Variants in FRYL observed in about 807,000 individuals in gnomAD.
The protein encoded by FRYL is FRY like transcription coactivator, also known as protein furry homolog-like.
A neutral mutation model predicts 351.2 loss-of-function variants in FRYL; 150 were observed. That is an observed-to-expected ratio of 0.43 (90% CI 0.37 to 0.49). FRYL has a LOEUF of 0.49. FRYL is among the 20% of genes least tolerant of loss of function. FRYL has a pLI of 0.00. For synonymous variants in FRYL, 1,153 were observed against 1,257.1 expected, an observed-to-expected ratio of 0.92 and a Z score of 1.75; for missense variants, 3,036 against 3,619.3, an observed-to-expected ratio of 0.84 and a Z score of 4.13.
chr4:48,573,904 C>A (rs1320307158), intron 25 of FRYL, among the ~76,000 whole-genome samples: 1 of 152,128 alleles, frequency 6.6e-6, no homozygotes, highest in Non-Finnish European at 1.5e-5. Context: ...ATAATTAATT[C>A]ATGATATTCG....
At chr4:48,745,694 T>A (rs1772597472) in intron 1 of FRYL, among the ~76,000 whole-genome samples, 1 of 152,146 alleles carries the variant, frequency 6.6e-6, no homozygotes, top group South Asian at 2.1e-4. Context: ...ATGGCACATG[T>A]ATACATATGT....
intron 2 of FRYL, among the ~76,000 whole-genome samples, chr4:48,689,484 A>G (rs1049408550): frequency 1.3e-4 from 20 of 152,228 alleles, no homozygotes; most frequent in African/African-American, 4.8e-4. Context: ...ACAAATTCAG[A>G]AGTAGCCCAG....
intron 1 of FRYL, among the ~76,000 whole-genome samples, chr4:48,764,808 T>C (rs1390967496): frequency 6.6e-6 from 1 of 152,184 alleles, no homozygotes; most frequent in Non-Finnish European, 1.5e-5. Flanking sequence ...GCAATCCCTA[T>C]CAAAATTCCA....
chr4:48,638,252 TAACA>T (rs1437227793), intron 3 of FRYL: 1 of 152,128 alleles, frequency 6.6e-6, no homozygotes, highest in Non-Finnish European at 1.5e-5. Flanking sequence ...AATTTTTACA[TAACA>T]TACAATTGCT....
At chr4:48,593,056 A>G (rs1743789106) in intron 16 of FRYL, among the ~76,000 whole-genome samples, 1 of 152,176 alleles carries the variant, frequency 6.6e-6, no homozygotes, top group African/African-American at 2.4e-5. Flanking sequence ...AATGAATTAG[A>G]GTTTACTAGT....
chr4:48,637,792 TTAATA>T (rs1380158362), intron 3 of FRYL: 27 of 152,272 alleles, frequency 1.8e-4, no homozygotes, highest in African/African-American at 6.3e-4. Context: ...AGCACTGTAT[TTAATA>T]TATTTAATAA....
chr4:48,660,829 A>G (rs1760563289), intron 3 of FRYL, among the ~76,000 whole-genome samples: 1 of 152,176 alleles, frequency 6.6e-6, no homozygotes, highest in South Asian at 2.1e-4. Flanking sequence ...AAGAAAAAAC[A>G]TGAGACAAAT....
Position 48,567,372 on chromosome 4 carries a change from T to C in FRYL, c.3045A>G (p.Leu1015=), listed in dbSNP as rs1737014026. 3 of 1,610,560 alleles carry C rather than the reference T, an allele frequency of 1.9e-6. No individual in the cohort carries two copies. Among genetic ancestry groups the C allele is most frequent in the Non-Finnish European group, 2.5e-6 (3 of 1,178,724 alleles). ...DNETHFLNNT[L]LEYVDLTRQL... Reference sequence around the variant, plus strand: ...GTCTAGTTAAATCTACATATTCCAATAAAGTGTTGTTGAGAAAATGTGTTT... The same window carrying C: ...GTCTAGTTAAATCTACATATTCCAACAAAGTGTTGTTGAGAAAATGTGTTT... Residue 1015 remains leucine, a synonymous_variant, in exon 28 of 64, where the codon TTA becomes TTG. Transcript: ENST00000358350. This position sits in a 1 kb window ranked among gnomAD's most constrained non-coding sequence, Gnocchi z 4.2.
At chr4:48,678,471 T>G (rs1314188622) in intron 3 of FRYL, among the ~76,000 whole-genome samples, 1 of 121,842 alleles carries the variant, frequency 8.2e-6, no homozygotes, top group Non-Finnish European at 1.6e-5. Flanking sequence ...ATCGCGCCCC[T>G]GCACTCCAGC....
intron 1 of FRYL, among the ~76,000 whole-genome samples, chr4:48,722,385 A>T (rs1282803860): frequency 6.6e-6 from 1 of 152,244 alleles, no homozygotes; most frequent in Non-Finnish European, 1.5e-5. Context: ...ACATTTGTTA[A>T]AACGTTTTAT....
chr4:48,513,795 T>A (rs1722973761), intron 56 of FRYL, among the ~76,000 whole-genome samples: 1 of 152,220 alleles, frequency 6.6e-6, no homozygotes, highest in South Asian at 2.1e-4. Flanking sequence ...ACATATACTA[T>A]AAGCTAGGGT....
intron 13 of FRYL, among the ~76,000 whole-genome samples, chr4:48,596,242 TAAATA>T (rs1203033611): frequency 6.6e-6 from 1 of 152,154 alleles, no homozygotes; most frequent in Non-Finnish European, 1.5e-5. Context: ...TTTTACTTAT[TAAATA>T]AAATTATACT....
chr4:48,649,463 C>T (rs1757203979), intron 3 of FRYL, among the ~76,000 whole-genome samples: 1 of 152,220 alleles, frequency 6.6e-6, no homozygotes, highest in Admixed American at 6.5e-5. Flanking sequence ...AAAATAAATT[C>T]TATAAATTAA....
intron 56 of FRYL, 129 bp downstream of exon 56, chr4:48,514,899 A>G (rs1393312718): frequency 1.3e-6 from 1 of 778,726 alleles, no homozygotes; most frequent in Non-Finnish European, 2.0e-6. Context: ...TAAAACACAC[A>G]AAGTATGATT....
At chr4:48,555,337 G>T (rs1733832277) in intron 35 of FRYL, among the ~76,000 whole-genome samples, 1 of 152,176 alleles carries the variant, frequency 6.6e-6, no homozygotes, top group Admixed American at 6.5e-5. Flanking sequence ...CCATTCTTAA[G>T]GAGCCTACAA....
rs551283480 is a variant in FRYL at position 48,762,302 on chromosome 4, G to C, written c.-384+17776C>G. ...ATTTTAACATATCTTGACACATAGA[G>C]CCTATTGTTTTGCAGGATCCCATCA... On this transcript the variant is annotated intron_variant, in intron 1 of 63. Coordinates refer to ENST00000358350, the MANE Select transcript of FRYL (RefSeq NM_015030.2). Among the ~76,000 whole-genome samples the C allele has an allele frequency of 7.2e-5, 11 of 152,308 alleles. No homozygotes were observed. The South Asian group carries it at 2.3e-3, about 32-fold the overall frequency.
chr4:48,700,608 C>A (rs764348185), intron 2 of FRYL, among the ~76,000 whole-genome samples: 3 of 150,784 alleles, frequency 2.0e-5, no homozygotes, highest in Non-Finnish European at 3.0e-5. Context: ...TCAAGACCAG[C>A]CTGGGCAACA....
Position 48,629,334 on chromosome 4 carries a change from G to T in FRYL, c.120+4957C>A, listed in dbSNP as rs182539924. On this transcript the variant is annotated intron_variant, in intron 4 of 63. Transcript: ENST00000358350. ...AGAACAGTGAAATAATTTTTATAAG[G>T]GCTAAAACAAAAGAACAAAAAGGAT... 2.7e-3 allele frequency among the ~76,000 whole-genome samples: 405 copies of T among 152,160 alleles called. 2 individuals carry two copies. The highest frequency in any genetic ancestry group is 9.1e-3 in the African/African-American group (378 of 41,532).
chr4:48,568,997 C>T (rs977549945), intron 27 of FRYL, among the ~76,000 whole-genome samples: 4 of 152,172 alleles, frequency 2.6e-5, no homozygotes, highest in African/African-American at 9.7e-5. Context: ...TCCAGAATAG[C>T]AATAACTTTC....
Sources: gnomAD v4.1 joint callset for allele counts (sites outside exome capture counted in the v4.1 genomes callset) on GRCh38, gnomAD v4.1.1 for gene constraint, Gnocchi (gnomAD v3.1) non-coding constraint, MANE v1.5 for transcripts, NCBI Gene and HGNC (gene_info 2026-07-23, HGNC 2026-07-21) for gene names.